Variants in TENM3 observed in about 807,000 individuals in gnomAD.
The protein encoded by TENM3 is teneurin transmembrane protein 3.
In TENM3, 63 loss-of-function variants were observed where a neutral mutation model predicts 255.1. The ratio of observed to expected loss-of-function variants is 0.25; its 90% CI spans 0.20 to 0.30. TENM3 has a LOEUF of 0.30. TENM3 is among the 10% of genes least tolerant of loss of function. TENM3 has a pLI of 1.00. For missense variants in TENM3, 2,929 were observed against 3,461.1 expected, an observed-to-expected ratio of 0.85 and a Z score of 3.86; for synonymous variants, 1,306 against 1,322.3, an observed-to-expected ratio of 0.99 and a Z score of 0.27.
intron 4 of TENM3, among the ~76,000 whole-genome samples, chr4:182,623,757 C>T (rs1040994399): frequency 2.6e-5 from 4 of 152,166 alleles, no homozygotes; most frequent in Non-Finnish European, 5.9e-5. Flanking sequence ...CTCTTCTCCA[C>T]TAAGACATCT....
intron 1 of TENM3, among the ~76,000 whole-genome samples, chr4:182,176,821 A>AATTTTTTTTTTTTTTTTT (rs1561169609): frequency 8.8e-6 from 1 of 113,358 alleles, no homozygotes. Flanking sequence ...CATCCGGCTA[A>AATTTTTTTTTTTTTTTTT]TTTTTTTTTT....
At chr4:182,679,083 T>C (rs765163103) in intron 7 of TENM3, among the ~76,000 whole-genome samples, 5 of 151,950 alleles carry the variant, frequency 3.3e-5, no homozygotes, top group East Asian at 1.9e-4. Context: ...AGGGGAGGGA[T>C]AGCATTAGGA....
chr4:181,891,917 C>CAA, the TENM3 span, among the ~76,000 whole-genome samples: 1 of 152,070 alleles, frequency 6.6e-6, no homozygotes, highest in Non-Finnish European at 1.5e-5. Context: ...ATGAGGACTC[C>CAA]TTCCTCATGT....
chr4:181,845,245 G>T, the TENM3 span, among the ~76,000 whole-genome samples: 1 of 152,070 alleles, frequency 6.6e-6, no homozygotes, highest in African/African-American at 2.4e-5. Flanking sequence ...AGGAGTATTT[G>T]ATTATGTGCA....
rs1491524974 is a variant in TENM3 at position 182,161,829 on chromosome 4, A to AAATATATATGTG, written c.-76+17075_-76+17076insAATATATATGTG. On this transcript the variant is annotated intron_variant, in intron 1 of 2. Transcript: ENST00000512480. ...CACATATATATGTATATATATACACATATATATGTGTATATATACACAAAT... is the reference window on the plus strand; with the variant it reads ...CACATATATATGTATATATATACACAAATATATATGTGTATATATGTGTATATATACACAAAT... Among the ~76,000 whole-genome samples the AAATATATATGTG allele has an allele frequency of 4.4e-3, 104 of 23,520 alleles. 17 individuals are homozygous for AAATATATATGTG. The highest frequency in any genetic ancestry group is 6.2e-3 in the Non-Finnish European group (87 of 13,924). 15.4% of individuals were successfully genotyped at this position (23,520 alleles called of 152,430 possible).
At chr4:181,478,065 C>G in the TENM3 span, among the ~76,000 whole-genome samples, 2 of 152,222 alleles carry the variant, frequency 1.3e-5, no homozygotes, top group African/African-American at 4.8e-5. Flanking sequence ...ATAACCATAT[C>G]AATTAAATGC....
At chr4:181,717,816 A>T in the TENM3 span, among the ~76,000 whole-genome samples, 57 of 152,216 alleles carry the variant, frequency 3.7e-4, no homozygotes, top group African/African-American at 1.3e-3. Flanking sequence ...AATCGTATTT[A>T]AAAAAAATAA....
intron 24 of TENM3, among the ~76,000 whole-genome samples, chr4:182,777,958 G>T (rs945302139): frequency 4.0e-5 from 6 of 151,834 alleles, no homozygotes; most frequent in Non-Finnish European, 8.8e-5. Context: ...CTGTGAAACA[G>T]TACATTAGGG....
chr4:182,004,195 C>A, the TENM3 span, among the ~76,000 whole-genome samples: 1 of 152,064 alleles, frequency 6.6e-6, no homozygotes, highest in Non-Finnish European at 1.5e-5. Flanking sequence ...CCTATTGACA[C>A]GTTCTTTAAT....
At chr4:181,839,384 T>TATAC in the TENM3 span, among the ~76,000 whole-genome samples, 11 of 83,456 alleles carry the variant, frequency 1.3e-4, no homozygotes, top group African/African-American at 5.1e-4. Context: ...TATATATATA[T>TATAC]ACACCTATAT....
chr4:182,685,171 A>G (rs1756480690), intron 11 of TENM3, among the ~76,000 whole-genome samples: 1 of 151,994 alleles, frequency 6.6e-6, no homozygotes, highest in African/African-American at 2.4e-5. Flanking sequence ...TGATTTTTGT[A>G]TGAGTTTTCT....
At chr4:182,749,125 TA>T (rs143448594) in intron 19 of TENM3, among the ~76,000 whole-genome samples, 1,616 of 152,222 alleles carry the variant, frequency 0.011, 34 homozygotes, top group African/African-American at 0.036. Context: ...GCCACCTCAA[TA>T]ATCTGTTTGT....
chr4:182,571,557 C>G (rs771647606), intron 3 of TENM3, among the ~76,000 whole-genome samples: 2 of 152,128 alleles, frequency 1.3e-5, no homozygotes, highest in African/African-American at 4.8e-5. Flanking sequence ...ACAACACACA[C>G]GCACAAATTA....
chr4:182,255,584 A>G (rs10428276), intron 1 of TENM3, among the ~76,000 whole-genome samples: 4,638 of 152,288 alleles, frequency 0.03, 235 homozygotes, highest in African/African-American at 0.11. Context: ...CAGTCCAGCT[A>G]GATCTGAGTC....
chr4:182,753,988 A>G (rs1433672959), intron 21 of TENM3, among the ~76,000 whole-genome samples: 3 of 152,204 alleles, frequency 2.0e-5, no homozygotes, highest in Non-Finnish European at 4.4e-5. Flanking sequence ...ATATTTAGAA[A>G]TAGAAACTTT....
chr4:181,620,153 C>T, the TENM3 span, among the ~76,000 whole-genome samples: 26 of 151,992 alleles, frequency 1.7e-4, no homozygotes, highest in African/African-American at 5.5e-4. Flanking sequence ...CCCAGCTACT[C>T]GGGAGGCTGA....
chr4:182,130,286 A>C, the TENM3 span, among the ~76,000 whole-genome samples: 1 of 152,220 alleles, frequency 6.6e-6, no homozygotes, highest in Admixed American at 6.5e-5. Context: ...GTATAGGTGA[A>C]CGTGACACAA....
At chr4:182,520,169 G>A (rs923574625) in intron 3 of TENM3, among the ~76,000 whole-genome samples, 2 of 152,042 alleles carry the variant, frequency 1.3e-5, no homozygotes, top group Non-Finnish European at 2.9e-5. Flanking sequence ...GTCTTCGTTT[G>A]CAGACTACAT....
chr4:181,733,818 A>G, the TENM3 span, among the ~76,000 whole-genome samples: 2 of 152,182 alleles, frequency 1.3e-5, no homozygotes, highest in East Asian at 1.9e-4. Context: ...CTTGGATTGT[A>G]CTTGAATAAT....
Sources: allele counts gnomAD v4.1 joint callset (sites outside exome capture counted in the v4.1 genomes callset), GRCh38; gene constraint gnomAD v4.1.1; transcripts MANE v1.5; gene names NCBI Gene and HGNC (gene_info 2026-07-23, HGNC 2026-07-21).